ZNF16: variants seen among roughly 807,000 people sequenced by gnomAD.
ZNF16 encodes the protein zinc finger protein 16, also known as zinc finger protein KOX9.
ZNF16 carries 7 observed loss-of-function variants against 9.0 expected under a neutral mutation model. The observed-to-expected ratio is 0.78, with a 90% CI of 0.44 to 1.47. The LOEUF is 1.47. ZNF16 is among the 40% of genes most tolerant of loss of function. The pLI is 0.01. For synonymous variants in ZNF16, 312 were observed against 301.5 expected (o/e 1.03, Z -0.36); for missense variants, 830 against 854.2 (o/e 0.97, Z 0.35).
rs1833953549 is a variant in ZNF16, at chr8:144,946,740, C to CTGTGT, written c.-9-526_-9-525insACACA. ...GTGGGGCCCGTACCCTGCTGTGGGC[C>CTGTGT]ATACCCTTCTGTGGGCCTGTACCCT... On this transcript the variant is annotated intron_variant, in intron 1 of 2. Transcript: ENST00000394909. Among the ~76,000 whole-genome samples the CTGTGT allele has an allele frequency of 2.2e-5, 2 of 92,626 alleles. 1 individual carries two copies. Among genetic ancestry groups the CTGTGT allele is most frequent in the African/African-American group, 9.2e-5 (2 of 21,728 alleles). 60.8% of individuals were successfully genotyped at this position (92,626 alleles called of 152,430 possible).
chr8:144,942,306 G>A (rs1364674038), intron 2 of ZNF16, among the ~76,000 whole-genome samples: 4 of 150,044 alleles, frequency 2.7e-5, no homozygotes, highest in Non-Finnish European at 5.9e-5. Context: ...TTGAAGTGGA[G>A]TTTTGCTCTG....
Position 144,938,014 on chromosome 8 carries a change from T to C in ZNF16, c.197-5424A>G, listed in dbSNP as rs185451921. Among the ~76,000 whole-genome samples the C allele has an allele frequency of 2.6e-5, 4 of 152,324 alleles. No homozygotes were observed. The East Asian group carries it at 5.8e-4, about 22-fold the overall frequency. ...TGGATATCTACTTGTCTCAGCACCA[T>C]TTGCAGAAGGGCTATCTTTTCTCAT... On this transcript the variant is annotated intron_variant, in intron 2 of 2. Transcript: ENST00000394909.
chr8:144,942,706 G>A (rs1283958218), intron 2 of ZNF16, among the ~76,000 whole-genome samples: 1 of 152,176 alleles, frequency 6.6e-6, no homozygotes, highest in Non-Finnish European at 1.5e-5. Context: ...CTCTACAGAT[G>A]TTACCCCCCT....
chr8:144,930,878 C>A lies in ZNF16; in HGVS notation c.1909G>T (p.Ala637Ser). The change falls in exon 3 of 3, where the codon GCC (alanine) becomes TCC (serine). Residue 637 changes from alanine (A) to serine (S), a missense_variant. Ala to Ser is a moderately conservative substitution (Grantham distance 99). Transcript: ENST00000394909. Reference protein sequence around the residue: ...RPYKCSECGKAFSQRSVLIQH... With the variant: ...RPYKCSECGKSFSQRSVLIQH... ...ATGAGGACCGAACGCTGACTGAAGG[C>A]TTTCCCACACTCACTGCATTTGTAG... 1 of 1,608,206 alleles carries A rather than the reference C, an allele frequency of 6.2e-7. No individual in the cohort carries two copies. The highest frequency in any genetic ancestry group is 8.5e-7 in the Non-Finnish European group (1 of 1,176,926).
Position 144,946,139 on chromosome 8 carries a change from C to T in ZNF16, c.68G>A (p.Trp23Ter), listed in dbSNP as rs745360451. ...MELSVPGPSP[W>*]TPAAQARVRD... ...CACACGGGCCTGGGCTGCAGGGGTC[C>T]AGGGGGATGGTCCTGGAACTGAGAG... is the stretch of plus-strand genomic sequence containing the variant. The change falls in exon 2 of 3, where the codon TGG becomes TAG. Residue 23 changes from tryptophan (W) to a stop codon, truncating the protein, a stop_gained. Coordinates refer to ENST00000394909, the MANE Select transcript of ZNF16 (RefSeq NM_006958.3). LOFTEE classifies it high-confidence loss of function. 1 of 1,592,116 alleles carries T rather than the reference C, an allele frequency of 6.3e-7. No homozygotes were observed. The highest frequency in any genetic ancestry group is 1.1e-5 in the South Asian group (1 of 89,228).
chr8:144,950,498 A>G (rs1013904974), intron 1 of ZNF16: 1 of 152,112 alleles, frequency 6.6e-6, no homozygotes, highest in Non-Finnish European at 1.5e-5. Flanking sequence ...CGGGAACGCC[A>G]CCAGCCTGTG....
chr8:144,943,888 T>C (rs76946924), intron 2 of ZNF16, among the ~76,000 whole-genome samples: 2,222 of 152,296 alleles, frequency 0.015, 51 homozygotes, highest in African/African-American at 0.047. Context: ...TATCTTCAAG[T>C]TGCCGATTTT....
At position 144,950,210 on chromosome 8, in the gene ZNF16, T is replaced by C. The variant is rs542800806; in HGVS notation, c.-10+587A>G. 1.2e-4 allele frequency among the ~76,000 whole-genome samples: 18 copies of C among 152,194 alleles called. No homozygotes were observed. In the South Asian group the frequency reaches 3.7e-3, roughly 32 times the overall value. ...CTCACATGCTTTTTTTTGCTGACCT[T>C]CTCCCTATTATCACCCTGCTCTCCT... On this transcript the variant is annotated intron_variant, in intron 1 of 2. Transcript: ENST00000394909.
rs781501604 is a variant in ZNF16 at position 144,932,547 on chromosome 8, T to A, written c.240A>T (p.Glu80Asp). 27 of 1,614,126 alleles carry A rather than the reference T, an allele frequency of 1.7e-5. No homozygotes were observed. The highest frequency in any genetic ancestry group is 1.4e-4 in the South Asian group (13 of 91,080). The change falls in exon 3 of 3, where the codon GAA (glutamate) becomes GAT (aspartate). Residue 80 changes from glutamate (E) to aspartate (D), a missense_variant. By Grantham distance (45) the Glu-to-Asp change is conservative. Transcript: ENST00000394909. The surrounding 1 kb of genome is among the most constrained non-coding windows in gnomAD (Gnocchi z 5.0). ...GTGATTCCAAATCTTCATGAATGTC[T>A]TCCTTGTGAAGAAACTCCTTGTCTT... ...RTEDKEFLHK[E>D]DIHEDLESQA...
rs1033168605 is a variant in ZNF16, at chr8:144,946,031, C to A, written c.176G>T (p.Cys59Phe). 3 of 1,613,764 alleles carry A rather than the reference C, an allele frequency of 1.9e-6. No homozygotes were observed. The East Asian group carries it at 6.7e-5, about 36-fold the overall frequency. Residue 59 changes from cysteine (C) to phenylalanine (F), a missense_variant, in exon 2 of 3, where the codon TGC (cysteine) becomes TTC (phenylalanine). Physicochemically the swap from Cys to Phe is radical, Grantham distance 205. Transcript: ENST00000394909. ...AGTACCTGGCTGCTGATAGTGAGGGCAGATGGCTTCCAGCTCAGTATCACT... is the reference window on the plus strand; with the variant it reads ...AGTACCTGGCTGCTGATAGTGAGGGAAGATGGCTTCCAGCTCAGTATCACT... Reference protein sequence around the residue: ...CCSDTELEAICPHYQQPDCDT... With the variant: ...CCSDTELEAIFPHYQQPDCDT...
chr8:144,941,211 CTGTCTA>C (rs903531864), intron 2 of ZNF16, among the ~76,000 whole-genome samples: 36 of 152,190 alleles, frequency 2.4e-4, no homozygotes, highest in African/African-American at 8.7e-4. Context: ...CCCTTCCAAT[CTGTCTA>C]TGTCTGTTTC....
rs762460741 is a variant in ZNF16 at position 144,932,368 on chromosome 8, G to A, written c.419C>T (p.Ala140Val). 2 of 1,614,142 alleles carry A rather than the reference G, an allele frequency of 1.2e-6. No homozygotes were observed. The highest frequency in any genetic ancestry group is 1.7e-5 in the Admixed American group (1 of 60,018). ...LSQEGDFTPAAMGLLRGPLGE... is the reference protein window; with the variant it reads ...LSQEGDFTPAVMGLLRGPLGE... ...TAAGGGGCCCCTAAGGAGCCCCATGGCAGCTGGTGTGAAGTCCCCCTCCTG... is the reference window on the plus strand; with the variant it reads ...TAAGGGGCCCCTAAGGAGCCCCATGACAGCTGGTGTGAAGTCCCCCTCCTG... The change falls in exon 3 of 3, where the codon GCC becomes GTC. Residue 140 changes from alanine (A) to valine (V), a missense_variant. Coordinates refer to ENST00000394909, the MANE Select transcript of ZNF16 (RefSeq NM_006958.3). The surrounding 1 kb of genome is among the most constrained non-coding windows in gnomAD (Gnocchi z 5.0).
Position 144,933,190 on chromosome 8 carries a change from G to A in ZNF16, c.197-600C>T, listed in dbSNP as rs1333571080. 6.6e-6 allele frequency among the ~76,000 whole-genome samples: 1 copy of A among 152,156 alleles called. No homozygotes were observed. Among genetic ancestry groups the A allele is most frequent in the Admixed American group, 6.5e-5 (1 of 15,278 alleles). On this transcript the variant is annotated intron_variant, in intron 2 of 2. Coordinates refer to ENST00000394909, the MANE Select transcript of ZNF16 (RefSeq NM_006958.3). The surrounding 1 kb of genome is among the most constrained non-coding windows in gnomAD (Gnocchi z 5.6). ...TTGTACACAGAGAAGAAACCCAGCT[G>A]GCTCTCAGGGCCTGGCAAGTTGAGT...
chr8:144,931,010 T>G lies in ZNF16; in HGVS notation c.1777A>C (p.Lys593Gln), dbSNP rs761732368. ...NRSSNLIHHQ[K>Q]VHTGEKPYTC... Reference sequence around the variant, plus strand: ...TAGGGTTTTTCCCCAGTATGAACTTTCTGGTGGTGAATGAGATTTGAGCTT... The same window carrying G: ...TAGGGTTTTTCCCCAGTATGAACTTGCTGGTGGTGAATGAGATTTGAGCTT... Residue 593 changes from lysine (K) to glutamine (Q), a missense_variant, in exon 3 of 3, where the codon AAA (lysine) becomes CAA (glutamine). Physicochemically the swap from Lys to Gln is moderately conservative, Grantham distance 53. Transcript: ENST00000394909. 2 of 1,614,198 alleles carry G rather than the reference T, an allele frequency of 1.2e-6. No individual in the cohort carries two copies. Among genetic ancestry groups the G allele is most frequent in the Non-Finnish European group, 1.7e-6 (2 of 1,180,040 alleles).
intron 2 of ZNF16, among the ~76,000 whole-genome samples, chr8:144,936,883 C>A (rs1260408130): frequency 1.3e-5 from 2 of 151,914 alleles, no homozygotes; most frequent in Non-Finnish European, 2.9e-5. Flanking sequence ...TTAGTAGAGA[C>A]AGGGTTTCAT....
Position 144,931,433 on chromosome 8 carries a change from G to C in ZNF16, c.1354C>G (p.Arg452Gly). 6.2e-7 allele frequency: 1 copy of C among 1,614,100 alleles called. No individual in the cohort carries two copies. The highest frequency in any genetic ancestry group is 8.5e-7 in the Non-Finnish European group (1 of 1,180,030). Reference sequence around the variant, plus strand: ...GGCTTTTCTCCAGTGTGAATTCTCCGATGCTGAATAAGGCTGGAGCTCTGA... The same window carrying C: ...GGCTTTTCTCCAGTGTGAATTCTCCCATGCTGAATAAGGCTGGAGCTCTGA... ...FSQSSSLIQHRRIHTGEKPHV... is the reference protein window; with the variant it reads ...FSQSSSLIQHGRIHTGEKPHV... The change falls in exon 3 of 3, where the codon CGG (arginine) becomes GGG (glycine). Residue 452 changes from arginine to glycine, a missense_variant. Physicochemically the swap from Arg to Gly is moderately radical, Grantham distance 125. Transcript: ENST00000394909.
intron 2 of ZNF16, among the ~76,000 whole-genome samples, chr8:144,936,789 T>C (rs1352005239): frequency 6.6e-6 from 1 of 151,554 alleles, no homozygotes; most frequent in Non-Finnish European, 1.5e-5. Flanking sequence ...TGCAGTGGCA[T>C]GATCTCGGCT....
intron 1 of ZNF16, among the ~76,000 whole-genome samples, chr8:144,950,163 A>C (rs977197262): frequency 6.6e-6 from 1 of 151,728 alleles, no homozygotes; most frequent in African/African-American, 2.4e-5. Flanking sequence ...CCTTAAACTT[A>C]ATTATGGCAC....
chr8:144,944,721 T>G (rs1423764143), intron 2 of ZNF16: 1 of 152,250 alleles, frequency 6.6e-6, no homozygotes, highest in Non-Finnish European at 1.5e-5. Context: ...AATATTAAAA[T>G]GTGGTATCCC....
Sources: allele counts gnomAD v4.1 joint callset (sites outside exome capture counted in the v4.1 genomes callset), GRCh38; gene constraint gnomAD v4.1.1; non-coding constraint Gnocchi (gnomAD v3.1); transcripts MANE v1.5; gene names NCBI Gene and HGNC (gene_info 2026-07-23, HGNC 2026-07-21).